The following RAB23 variants were observed in gnomAD, a reference collection of about 807,000 sequenced individuals.
RAB23 encodes ras-related protein Rab-23.
In RAB23, 15 loss-of-function variants were observed where a neutral mutation model predicts 30.0. That is an observed-to-expected ratio of 0.50 (90% CI 0.33 to 0.77). RAB23 has a LOEUF of 0.77. Among genes scored for constraint, RAB23 ranks in the 30% least tolerant of loss-of-function variants. The pLI, the probability that RAB23 is intolerant of heterozygous loss-of-function variation, is 0.02. For synonymous variants in RAB23, 93 were observed against 94.0 expected (o/e 0.99, Z 0.06); for missense variants, 243 against 275.4 (o/e 0.88, Z 0.83).
rs1764786852 is a variant in RAB23, at chr6:57,190,257, A to C, written c.*204T>G. 1.1e-5 allele frequency: 6 copies of C among 567,196 alleles called. No homozygotes were observed. Among genetic ancestry groups the C allele is most frequent in the Non-Finnish European group, 1.9e-5 (6 of 323,712 alleles). The allele number at this position is 567,196 out of a possible 1,614,324, so 35.1% of individuals were successfully genotyped here. On this transcript the variant is annotated 3_prime_UTR_variant, in exon 7 of 7. Coordinates refer to ENST00000468148, the MANE Select transcript of RAB23 (RefSeq NM_016277.5). ...GCTTCGTCTAATGTAAAAAAAATTA[A>C]AGGAGTCCACAGGGCAATAATTTTT...
Position 57,190,469 on chromosome 6 carries a change from T to C in RAB23, c.706A>G (p.Ile236Val). 6.2e-7 allele frequency: 1 copy of C among 1,614,136 alleles called. No homozygotes were observed. The change falls in exon 7 of 7, where the codon ATA becomes GTA. Residue 236 changes from isoleucine (I) to valine (V), a missense_variant. Coordinates refer to ENST00000468148, the MANE Select transcript of RAB23 (RefSeq NM_016277.5). ...KNRNPFSSCSIP is the reference protein window; with the variant it reads ...KNRNPFSSCSVP ...TTTCCTCCCAAAACATCTTAGGGTA[T>C]GCTACAGCTGCTAAAAGGATTTCTG...
chr6:57,214,271 G>A, intron 1 of RAB23, among the ~76,000 whole-genome samples: 1 of 152,118 alleles, frequency 6.6e-6, no homozygotes, highest in East Asian at 1.9e-4. Context: ...GCCCCCAGTA[G>A]AGAGTCATCA....
rs556931606 is a variant in RAB23 at position 57,207,651 on chromosome 6, G to A, written c.218C>T (p.Ala73Val). The A allele has an allele frequency of 2.5e-4, 395 of 1,602,074 alleles. 5 individuals carry two copies. In the South Asian group the frequency reaches 4.1e-3, roughly 17 times the overall value. Residue 73 changes from alanine (A) to valine (V), a missense_variant, in exon 3 of 7, where the codon GCA becomes GTA. Transcript: ENST00000468148. ...ACCTCGATAGTAGGCCTTTGTAATT[G>A]CATCAAATTCCTCCTGACCTGCAGT... ...WDTAGQEEFD[A>V]ITKAYYRGAQ...
chr6:57,187,173 TCA>T lies in RAB23; in HGVS notation c.*3286_*3287del, dbSNP rs756316180. ...TTAGTAATAAAAATATAGAAGGAAT[TCA>T]GTTTTCCTTTTATCCCCAATTTTTT... On this transcript the variant is annotated 3_prime_UTR_variant, in exon 7 of 7. Coordinates refer to ENST00000468148, the MANE Select transcript of RAB23 (RefSeq NM_016277.5). The T allele has an allele frequency of 3.9e-5, 6 of 152,130 alleles. No homozygotes were observed. The highest frequency in any genetic ancestry group is 7.4e-5 in the Non-Finnish European group (5 of 68,016). 9.4% of individuals were successfully genotyped at this position (152,130 alleles called of 1,614,324 possible). A position where few individuals can be genotyped will look rare whatever the true frequency, so the allele number is the denominator to read the frequency against.
intron 3 of RAB23, among the ~76,000 whole-genome samples, chr6:57,200,382 C>T (rs1445655901): frequency 6.6e-6 from 1 of 150,998 alleles, no homozygotes; most frequent in Non-Finnish European, 1.5e-5. Context: ...ACTAAAAATA[C>T]AAAAATTAGC....
intron 1 of RAB23, among the ~76,000 whole-genome samples, chr6:57,220,183 G>C (rs1766002605): frequency 6.6e-6 from 1 of 152,070 alleles, no homozygotes; most frequent in Non-Finnish European, 1.5e-5. Context: ...ATTAGTTAAA[G>C]GCACATTAAA....
chr6:57,196,712 A>T (rs1219137552), intron 3 of RAB23, 106 bp from the exon 4 acceptor site: 1 of 1,403,654 alleles, frequency 7.1e-7, no homozygotes, highest in African/African-American at 1.4e-5. Flanking sequence ...ACTTTTATCC[A>T]TTCAAAACAA....
At chr6:57,197,566 A>G (rs1699761094) in intron 3 of RAB23, among the ~76,000 whole-genome samples, 1 of 152,132 alleles carries the variant, frequency 6.6e-6, no homozygotes, top group African/African-American at 2.4e-5. Flanking sequence ...AAGACTCAAG[A>G]TATGTCTGGG....
At position 57,190,546 on chromosome 6, in the gene RAB23, T is replaced by C. The variant is rs1764799574; in HGVS notation, c.629A>G (p.Asn210Ser). Residue 210 changes from asparagine to serine, a missense_variant, in exon 7 of 7, where the codon AAT becomes AGT. By Grantham distance (46) the Asn-to-Ser change is conservative. Coordinates refer to ENST00000468148, the MANE Select transcript of RAB23 (RefSeq NM_016277.5). ...TCTAAGATTGATGACATCTCCACCA[T>C]TGAGGGTACCTGAATTCTGACCGGA... Reference protein sequence around the residue: ...SHSGQNSGTLNGGDVINLRPN... With the variant: ...SHSGQNSGTLSGGDVINLRPN... 7.4e-6 allele frequency: 12 copies of C among 1,613,810 alleles called. No homozygotes were observed. Among genetic ancestry groups the C allele is most frequent in the South Asian group, 1.1e-5 (1 of 91,068 alleles).
rs60882748 is a variant in RAB23, at chr6:57,208,006, T to C, written c.156-293A>G. On this transcript the variant is annotated intron_variant, in intron 2 of 6. Transcript: ENST00000468148. ...TGCTCCTCAACTTACGATGGGGCTA[T>C]GTCTCAAAAAACCCATGCTAAAGTT... Among the ~76,000 whole-genome samples the C allele has an allele frequency of 0.027, 4,174 of 152,264 alleles. 196 individuals are homozygous for C. Among genetic ancestry groups the C allele is most frequent in the African/African-American group, 0.096 (3,991 of 41,538 alleles).
At chr6:57,209,019 C>T (rs1007973626) in intron 2 of RAB23, among the ~76,000 whole-genome samples, 2 of 152,104 alleles carry the variant, frequency 1.3e-5, no homozygotes, top group African/African-American at 4.8e-5. Flanking sequence ...CATAGCCTTC[C>T]TATACTTAGG....
rs186740414 is a variant in RAB23, at chr6:57,189,304, A to G, written c.*1157T>C. 2 of 152,364 alleles carry G rather than the reference A, an allele frequency of 1.3e-5. No individual in the cohort carries two copies. Among genetic ancestry groups the G allele is most frequent in the Admixed American group, 1.3e-4 (2 of 15,304 alleles). 9.4% of individuals were successfully genotyped at this position (152,364 alleles called of 1,614,324 possible). A position where few individuals can be genotyped will look rare whatever the true frequency, so the allele number is the denominator to read the frequency against. ...GATAATCTTAAAATACCATACAAAA[A>G]TGTGTAAACAAAAGGATGGTTTAGA... is the stretch of plus-strand genomic sequence containing the variant. On this transcript the variant is annotated 3_prime_UTR_variant, in exon 7 of 7. Transcript: ENST00000468148.
chr6:57,196,945 G>A (rs1237085579), intron 3 of RAB23, among the ~76,000 whole-genome samples: 1 of 152,060 alleles, frequency 6.6e-6, no homozygotes, highest in African/African-American at 2.4e-5. Flanking sequence ...ATAAAATACT[G>A]ATTTAATTCC....
chr6:57,213,094 ATTAG>A (rs1023522397), intron 1 of RAB23, among the ~76,000 whole-genome samples: 2 of 152,154 alleles, frequency 1.3e-5, no homozygotes, highest in African/African-American at 2.4e-5. Flanking sequence ...ATCATCAGGC[ATTAG>A]TTAGATTCTC....
Position 57,189,206 on chromosome 6 carries a change from G to T in RAB23, c.*1255C>A, listed in dbSNP as rs1764735118. 1 of 152,110 alleles carries T rather than the reference G, an allele frequency of 6.6e-6. No individual in the cohort carries two copies. Among genetic ancestry groups the T allele is most frequent in the Admixed American group, 6.5e-5 (1 of 15,270 alleles). The allele number at this position is 152,110 out of a possible 1,614,324, so 9.4% of individuals were successfully genotyped here. ...TATTAAATCATTTTGTAAAAGAAAT[G>T]ATTCTGTATGTGGGACTGACAGCTC... On this transcript the variant is annotated 3_prime_UTR_variant, in exon 7 of 7. Coordinates refer to ENST00000468148, the MANE Select transcript of RAB23 (RefSeq NM_016277.5).
intron 1 of RAB23, among the ~76,000 whole-genome samples, chr6:57,220,617 G>A (rs1308162005): frequency 6.6e-6 from 1 of 152,052 alleles, no homozygotes; most frequent in Non-Finnish European, 1.5e-5. Flanking sequence ...AATCTTAAAG[G>A]CATTATGCTG....
At chr6:57,211,368 G>C (rs1486160010) in intron 1 of RAB23, among the ~76,000 whole-genome samples, 1 of 152,108 alleles carries the variant, frequency 6.6e-6, no homozygotes, top group Admixed American at 6.5e-5. Flanking sequence ...GCTGAGGTGG[G>C]AGGATCCCTT....
intron 3 of RAB23, among the ~76,000 whole-genome samples, chr6:57,206,734 G>A (rs1038537258): frequency 1.3e-5 from 2 of 152,152 alleles, no homozygotes; most frequent in Non-Finnish European, 2.9e-5. Context: ...TGGGTAAAAA[G>A]CCTCCCTTAG....
chr6:57,210,003 G>A (rs1034725865), intron 2 of RAB23, among the ~76,000 whole-genome samples: 9 of 151,174 alleles, frequency 6.0e-5, no homozygotes, highest in African/African-American at 2.2e-4. Context: ...AGAAAAAAAC[G>A]TGGAGAGTAG....
Sources: allele counts gnomAD v4.1 joint callset (sites outside exome capture counted in the v4.1 genomes callset), GRCh38; gene constraint gnomAD v4.1.1; transcripts MANE v1.5; gene names NCBI Gene and HGNC (gene_info 2026-07-23, HGNC 2026-07-21).